EDAR: variants seen among roughly 807,000 people sequenced by gnomAD.
EDAR encodes the protein tumor necrosis factor receptor superfamily member EDAR.
Under a neutral mutation model 51.3 loss-of-function variants are expected in EDAR, and 38 were observed. That is an observed-to-expected ratio of 0.74 (90% CI 0.57 to 0.97). The LOEUF is 0.97. Among genes scored for constraint, EDAR ranks in the 50% least tolerant of loss-of-function variants. The pLI, the probability that EDAR is intolerant of heterozygous loss-of-function variation, is 0.00. For synonymous variants in EDAR, 227 were observed against 242.1 expected (o/e 0.94, Z 0.58); for missense variants, 528 against 595.0 (o/e 0.89, Z 1.17).
intron 1 of EDAR, among the ~76,000 whole-genome samples, chr2:108,943,874 T>A (rs771316183): frequency 4.6e-5 from 7 of 152,226 alleles, no homozygotes; most frequent in Non-Finnish European, 8.8e-5. Context: ...TCTGAGCCTA[T>A]AACCTTGCAT....
chr2:108,911,002 G>C lies in EDAR; in HGVS notation c.600C>G (p.Ile200Met), dbSNP rs901116756. 6.2e-7 allele frequency: 1 copy of C among 1,614,116 alleles called. No homozygotes were observed. The highest frequency in any genetic ancestry group is 8.5e-7 in the Non-Finnish European group (1 of 1,179,994). ...AGAACATGATGATGAGGACGATGGC[G>C]ATGGCCATGATGAAGATGGTGGACA... The part of the protein sequence containing the change: ...IAMSTIFIMA[I>M]AIVLIIMFYI... The change falls in exon 7 of 12, where the codon ATC (isoleucine) becomes ATG (methionine). Residue 200 changes from isoleucine (I) to methionine (M), a missense_variant. Coordinates refer to ENST00000258443, the MANE Select transcript of EDAR (RefSeq NM_022336.4).
At chr2:108,924,886 C>T (rs1475760793) in intron 4 of EDAR, among the ~76,000 whole-genome samples, 1 of 152,242 alleles carries the variant, frequency 6.6e-6, no homozygotes, top group South Asian at 2.1e-4. Context: ...TGTGAGTTCA[C>T]GGGCATGTGG....
At chr2:108,945,873 G>C (rs950828897) in intron 1 of EDAR, among the ~76,000 whole-genome samples, 1 of 152,146 alleles carries the variant, frequency 6.6e-6, no homozygotes, top group Non-Finnish European at 1.5e-5. Flanking sequence ...TCACAGAGAC[G>C]GAAAGTAGAA....
intron 1 of EDAR, among the ~76,000 whole-genome samples, chr2:108,973,921 A>G (rs1189894838): frequency 6.6e-6 from 1 of 152,214 alleles, no homozygotes; most frequent in African/African-American, 2.4e-5. Flanking sequence ...TTTTAAACCA[A>G]TTACGGAGCT....
Position 108,895,852 on chromosome 2 carries a change from T to A in EDAR, c.*1055A>T, listed in dbSNP as rs1696575626. ...GCTCAGAAGGCTGAGTCTGAAACTC[T>A]CATGCCATGAGGCTAATCCACAAGT... On this transcript the variant is annotated 3_prime_UTR_variant, in exon 12 of 12. Coordinates refer to ENST00000258443, the MANE Select transcript of EDAR (RefSeq NM_022336.4). 1 of 152,230 alleles carries A rather than the reference T, an allele frequency of 6.6e-6. No individual in the cohort carries two copies. Among genetic ancestry groups the A allele is most frequent in the African/African-American group, 2.4e-5 (1 of 41,446 alleles). The allele number at this position is 152,230 out of a possible 1,614,324, so 9.4% of individuals were successfully genotyped here.
At chr2:108,966,923 C>T (rs1243081930) in intron 1 of EDAR, among the ~76,000 whole-genome samples, 2 of 152,108 alleles carry the variant, frequency 1.3e-5, no homozygotes, top group African/African-American at 4.8e-5. Context: ...CAAAGACCAG[C>T]CAATTGTGCA....
chr2:108,945,035 T>C (rs1697689602), intron 1 of EDAR, among the ~76,000 whole-genome samples: 1 of 152,202 alleles, frequency 6.6e-6, no homozygotes, highest in African/African-American at 2.4e-5. Context: ...TGCCCCCTGC[T>C]GTCTGGCTTG....
At chr2:108,923,267 C>T in intron 5 of EDAR, 101 bp downstream of exon 5, 1 of 1,159,898 alleles carries the variant, frequency 8.6e-7, no homozygotes, top group Non-Finnish European at 1.3e-6. Flanking sequence ...CTGTGATTCA[C>T]CTTGTCCAGG....
Position 108,896,409 on chromosome 2 carries a change from G to A in EDAR, c.*498C>T, listed in dbSNP as rs1283909321. On this transcript the variant is annotated 3_prime_UTR_variant, in exon 12 of 12. Transcript: ENST00000258443. ...ATGCCATCCTTCATCATCCCAGTAG[G>A]GAGTCATCTCCCGCTTAGAACTTCT... 6.4e-6 allele frequency: 1 copy of A among 156,472 alleles called. No homozygotes were observed. Among genetic ancestry groups the A allele is most frequent in the Non-Finnish European group, 1.4e-5 (1 of 70,430 alleles). 9.7% of individuals were successfully genotyped at this position (156,472 alleles called of 1,614,324 possible). A position where few individuals can be genotyped will look rare whatever the true frequency, so the allele number is the denominator to read the frequency against.
intron 11 of EDAR, among the ~76,000 whole-genome samples, chr2:108,904,298 A>G (rs181914639): frequency 6.6e-6 from 1 of 152,354 alleles, no homozygotes; most frequent in African/African-American, 2.4e-5. Context: ...AAAACAAAAC[A>G]TAGTAACACC....
chr2:108,980,370 A>T (rs1254587548), intron 1 of EDAR, among the ~76,000 whole-genome samples: 1 of 152,058 alleles, frequency 6.6e-6, no homozygotes, highest in Non-Finnish European at 1.5e-5. Context: ...GGAAACTGCC[A>T]CTAATGCTCT....
intron 1 of EDAR, among the ~76,000 whole-genome samples, chr2:108,982,406 G>A (rs1230321530): frequency 2.6e-5 from 4 of 152,230 alleles, no homozygotes; most frequent in African/African-American, 7.2e-5. Flanking sequence ...TGATGCCGTG[G>A]GAGGCATGCA....
At chr2:108,941,184 C>T (rs143142538) in intron 1 of EDAR, among the ~76,000 whole-genome samples, 2 of 152,278 alleles carry the variant, frequency 1.3e-5, no homozygotes, top group South Asian at 2.1e-4. Flanking sequence ...TTTTTATTGC[C>T]GAATCGTATT....
At chr2:108,978,283 A>G (rs567355349) in intron 1 of EDAR, among the ~76,000 whole-genome samples, 1 of 152,332 alleles carries the variant, frequency 6.6e-6, no homozygotes, top group East Asian at 1.9e-4. Context: ...AAGGGGTTAA[A>G]TACACCATCC....
At chr2:108,924,807 T>C (rs1008702632) in intron 4 of EDAR, among the ~76,000 whole-genome samples, 1 of 152,254 alleles carries the variant, frequency 6.6e-6, no homozygotes, top group African/African-American at 2.4e-5. Flanking sequence ...CTCGCAAATC[T>C]ACCTTCTGCC....
chr2:108,930,258 G>A lies in EDAR; in HGVS notation c.52-16C>T. ...TCAGAGACACCTGCCAACAAAGGGG[G>A]GTGTTGTGGCCTCCGTACCTCCTTA... On this transcript the variant is annotated splice_polypyrimidine_tract_variant and intron_variant, in intron 2 of 11. Transcript: ENST00000258443. 1 of 1,614,034 alleles carries A rather than the reference G, an allele frequency of 6.2e-7. No homozygotes were observed. Among genetic ancestry groups the A allele is most frequent in the Non-Finnish European group, 8.5e-7 (1 of 1,180,008 alleles).
intron 1 of EDAR, among the ~76,000 whole-genome samples, chr2:108,933,443 C>T (rs1033674613): frequency 2.6e-5 from 4 of 152,142 alleles, no homozygotes; most frequent in Non-Finnish European, 2.9e-5. Context: ...AGAGGACAGA[C>T]CTGACTGGGG....
chr2:108,915,654 C>T (rs1039853828), intron 5 of EDAR, among the ~76,000 whole-genome samples: 17 of 152,082 alleles, frequency 1.1e-4, no homozygotes, highest in African/African-American at 3.9e-4. Flanking sequence ...AATCCCAGCA[C>T]TTTGGGAGGC....
chr2:108,905,924 C>T (rs899477510), intron 11 of EDAR, among the ~76,000 whole-genome samples: 1 of 152,150 alleles, frequency 6.6e-6, no homozygotes, highest in Non-Finnish European at 1.5e-5. Context: ...GAGAGGGCAG[C>T]TAAGTCTAGG....
Sources: allele counts gnomAD v4.1 joint callset (sites outside exome capture counted in the v4.1 genomes callset), GRCh38; gene constraint gnomAD v4.1.1; transcripts MANE v1.5; gene names NCBI Gene and HGNC (gene_info 2026-07-23, HGNC 2026-07-21).